Variants in ATOSA observed in about 807,000 individuals in gnomAD.
ATOSA encodes the protein atos homolog protein A.
chr15:52,586,062 T>C, the ATOSA span: 1 of 152,228 alleles, frequency 6.6e-6, no homozygotes, highest in African/African-American at 2.4e-5. Context: ...GTGAATGTGT[T>C]ACCTCCGAGT....
At chr15:52,661,931 C>CAAAAAAAAAAAAAAAAAAAAAAAAAA in the ATOSA span, among the ~76,000 whole-genome samples, 6 of 73,258 alleles carry the variant, frequency 8.2e-5, no homozygotes, top group African/African-American at 1.2e-4. Flanking sequence ...CAAGCCAGGC[C>CAAAAAAAAAAAAAAAAAAAAAAAAAA]AAAAAAAAAA....
chr15:52,639,222 G>A, the ATOSA span, among the ~76,000 whole-genome samples: 29 of 152,050 alleles, frequency 1.9e-4, no homozygotes, highest in African/African-American at 7.0e-4. Flanking sequence ...GTTACTAGAA[G>A]GGATAAGTGC....
the ATOSA span, among the ~76,000 whole-genome samples, chr15:52,680,029 A>C: frequency 2.0e-5 from 3 of 151,066 alleles, no homozygotes; most frequent in African/African-American, 7.3e-5. Context: ...TAGGATTCAG[A>C]ACCCAAGCTT....
chr15:52,609,730 G>T, the ATOSA span: 2 of 1,613,656 alleles, frequency 1.2e-6, no homozygotes, highest in Non-Finnish European at 1.7e-6. Flanking sequence ...AGTATTAAAT[G>T]GACGTCCAGA....
At chr15:52,601,194 TAA>T in the ATOSA span, 2 of 1,289,090 alleles carry the variant, frequency 1.6e-6, no homozygotes, top group Non-Finnish European at 1.0e-6. Context: ...TTTGTGATAT[TAA>T]AAAAAAAACT....
At chr15:52,640,372 C>G in the ATOSA span, among the ~76,000 whole-genome samples, 3 of 151,486 alleles carry the variant, frequency 2.0e-5, no homozygotes, top group African/African-American at 7.3e-5. Context: ...TCAAGAACAG[C>G]CTGGCCAACA....
At chr15:52,622,333 A>C in the ATOSA span, among the ~76,000 whole-genome samples, 1 of 152,312 alleles carries the variant, frequency 6.6e-6, no homozygotes, top group South Asian at 2.1e-4. Context: ...ATTCCATATG[A>C]GAAACACATG....
the ATOSA span, among the ~76,000 whole-genome samples, chr15:52,705,055 A>C: frequency 6.6e-6 from 1 of 152,190 alleles, no homozygotes; most frequent in Non-Finnish European, 1.5e-5. Flanking sequence ...ACATGCACAC[A>C]TATGTTTATT....
the ATOSA span, among the ~76,000 whole-genome samples, chr15:52,698,647 C>T: frequency 6.6e-6 from 1 of 152,142 alleles, no homozygotes; most frequent in Admixed American, 6.5e-5. Context: ...CTCATTTATA[C>T]AAAGTTTAAG....
the ATOSA span, chr15:52,609,127 C>A: frequency 6.2e-7 from 1 of 1,613,432 alleles, no homozygotes; most frequent in South Asian, 1.1e-5. Context: ...CTGATACGTA[C>A]TTTGGATGAT....
At chr15:52,605,185 G>C in the ATOSA span, 5 of 1,611,304 alleles carry the variant, frequency 3.1e-6, no homozygotes, top group Non-Finnish European at 4.2e-6. Context: ...TCTGGTTGAA[G>C]TTCCATCCAA....
At chr15:52,582,317 T>G in the ATOSA span, 1 of 1,553,458 alleles carries the variant, frequency 6.4e-7, no homozygotes, top group East Asian at 2.4e-5. Context: ...CCTAAACAAA[T>G]AAACAAAATA....
At chr15:52,625,182 T>C in the ATOSA span, among the ~76,000 whole-genome samples, 1 of 152,082 alleles carries the variant, frequency 6.6e-6, no homozygotes. Flanking sequence ...AGACATCAAC[T>C]TCCTTGCTTA....
the ATOSA span, among the ~76,000 whole-genome samples, chr15:52,676,961 C>T: frequency 3.9e-5 from 6 of 152,256 alleles, no homozygotes; most frequent in Non-Finnish European, 7.4e-5. Context: ...TTGATACATA[C>T]ATAGCTGCTG....
the ATOSA span, among the ~76,000 whole-genome samples, chr15:52,660,150 T>C: frequency 6.6e-6 from 1 of 152,236 alleles, no homozygotes. Context: ...ATAGTAGTTG[T>C]TGAGCAAGCA....
the ATOSA span, among the ~76,000 whole-genome samples, chr15:52,674,655 T>A: frequency 6.6e-6 from 1 of 152,170 alleles, no homozygotes; most frequent in Non-Finnish European, 1.5e-5. Context: ...TAACTATATA[T>A]TAAAAAATTA....
chr15:52,665,982 T>C, the ATOSA span, among the ~76,000 whole-genome samples: 1 of 152,052 alleles, frequency 6.6e-6, no homozygotes, highest in African/African-American at 2.4e-5. Context: ...AATTAAAAAA[T>C]ATACTATTAA....
At chr15:52,678,432 C>A in the ATOSA span, 1 of 195,726 alleles carries the variant, frequency 5.1e-6, no homozygotes, top group Non-Finnish European at 1.0e-5. Context: ...AAACTAACCC[C>A]TTCGTACAAA....
the ATOSA span, among the ~76,000 whole-genome samples, chr15:52,638,827 A>G: frequency 2.6e-5 from 4 of 152,104 alleles, no homozygotes; most frequent in African/African-American, 4.8e-5. Context: ...AAACTGCTCT[A>G]AAAACAAACC....
Sources: gnomAD v4.1 joint callset for allele counts (sites outside exome capture counted in the v4.1 genomes callset) on GRCh38, gnomAD v4.1.1 for gene constraint, MANE v1.5 for transcripts, NCBI Gene and HGNC (gene_info 2026-07-23, HGNC 2026-07-21) for gene names.